The following ELMO1 variants were observed in gnomAD, a reference collection of about 807,000 sequenced individuals.
ELMO1 encodes the protein engulfment and cell motility protein 1.
A neutral mutation model predicts 98.9 loss-of-function variants in ELMO1; 26 were observed. The ratio of observed to expected loss-of-function variants is 0.26; its 90% CI spans 0.19 to 0.36. The LOEUF is 0.36. Ranked by LOEUF, ELMO1 falls within the 10% of genes least tolerant of loss-of-function variation. The probability of loss-of-function intolerance (pLI) is 1.00; values close to 1 mark genes in which losing one functional copy is unlikely to be tolerated. For synonymous variants in ELMO1, 346 were observed against 346.0 expected (o/e 1.00, Z 0.00); for missense variants, 627 against 935.2 (o/e 0.67, Z 4.30).
intron 2 of ELMO1, among the ~76,000 whole-genome samples, chr7:37,328,274 T>C (rs1799921179): frequency 2.0e-5 from 3 of 149,022 alleles, no homozygotes; most frequent in Admixed American, 1.4e-4. Context: ...TCCCAGCTAC[T>C]TGGGAGGCTG....
At chr7:37,033,699 G>A (rs183155274) in intron 15 of ELMO1, among the ~76,000 whole-genome samples, 7 of 152,252 alleles carry the variant, frequency 4.6e-5, no homozygotes, top group Admixed American at 1.3e-4. Context: ...GAAATTGCAA[G>A]GCAAATCTGT....
chr7:37,302,643 C>T (rs1798407429), intron 4 of ELMO1, among the ~76,000 whole-genome samples: 1 of 152,070 alleles, frequency 6.6e-6, no homozygotes, highest in Non-Finnish European at 1.5e-5. Flanking sequence ...CATGTCTTCC[C>T]AGTTGTGACT....
chr7:36,987,905 G>A (rs1791624032), intron 16 of ELMO1, among the ~76,000 whole-genome samples: 1 of 152,064 alleles, frequency 6.6e-6, no homozygotes. Flanking sequence ...TTACAGGCAT[G>A]TGCCATCATG....
At chr7:36,915,366 C>A (rs961478264) in intron 16 of ELMO1, among the ~76,000 whole-genome samples, 3 of 152,158 alleles carry the variant, frequency 2.0e-5, no homozygotes, top group Admixed American at 6.5e-5. Context: ...AATTTCTCAG[C>A]CACATTTTTC....
chr7:37,023,648 C>T (rs1238973593), intron 15 of ELMO1, among the ~76,000 whole-genome samples: 2 of 152,120 alleles, frequency 1.3e-5, no homozygotes, highest in Non-Finnish European at 2.9e-5. Flanking sequence ...TGCTCTGTCA[C>T]CCAGGCTGGA....
chr7:37,160,748 G>A (rs1428213747), intron 13 of ELMO1, among the ~76,000 whole-genome samples: 1 of 152,148 alleles, frequency 6.6e-6, no homozygotes, highest in Non-Finnish European at 1.5e-5. Flanking sequence ...GCTTCTGCAT[G>A]ACCAGATGTC....
intron 16 of ELMO1, among the ~76,000 whole-genome samples, chr7:36,897,338 G>GTGTGTGTGTGTGTGTGTGTGTA (rs1450732062): frequency 6.6e-6 from 1 of 151,354 alleles, no homozygotes; most frequent in Non-Finnish European, 1.5e-5. Context: ...GTGTGTGTGT[G>GTGTGTGTGTGTGTGTGTGTGTA]TGTGTGTGTG....
At chr7:36,905,529 A>G (rs1191409350) in intron 16 of ELMO1, among the ~76,000 whole-genome samples, 2 of 152,386 alleles carry the variant, frequency 1.3e-5, no homozygotes, top group African/African-American at 4.8e-5. Flanking sequence ...AGGAATGGTT[A>G]GCAAATCCTT....
chr7:37,342,731 T>C lies in ELMO1; in HGVS notation c.-41A>G, dbSNP rs1800785122. 3 of 1,564,754 alleles carry C rather than the reference T, an allele frequency of 1.9e-6. No homozygotes were observed. The highest frequency in any genetic ancestry group is 2.7e-5 in the African/African-American group (2 of 72,944). On this transcript the variant is annotated 5_prime_UTR_variant, in exon 2 of 22. Coordinates refer to ENST00000310758, the MANE Select transcript of ELMO1 (RefSeq NM_014800.11). The surrounding 1 kb of genome is among the most constrained non-coding windows in gnomAD (Gnocchi z 4.3). ...TGTTCAAAGCCAGTGGGAATGAGGATCCTACAGCGTAAACGGCCACACGTG... is the reference window on the plus strand; with the variant it reads ...TGTTCAAAGCCAGTGGGAATGAGGACCCTACAGCGTAAACGGCCACACGTG...
At chr7:37,375,385 T>C (rs1378896145) in intron 1 of ELMO1, 3 of 587,794 alleles carry the variant, frequency 5.1e-6, no homozygotes, top group Admixed American at 2.9e-5. Context: ...TATGCAGGTC[T>C]TAGCAGAATT....
chr7:37,079,169 A>C (rs1301919453), intron 15 of ELMO1, among the ~76,000 whole-genome samples: 1 of 152,174 alleles, frequency 6.6e-6, no homozygotes, highest in East Asian at 1.9e-4. Context: ...AATCTTCCCC[A>C]GGAGCATATA....
chr7:37,348,352 A>C (rs934693116), intron 1 of ELMO1, among the ~76,000 whole-genome samples: 3 of 152,182 alleles, frequency 2.0e-5, no homozygotes, highest in Non-Finnish European at 2.9e-5. Flanking sequence ...AGACATTCTA[A>C]TCATCATGCC....
chr7:37,127,760 C>G (rs1328034521), intron 14 of ELMO1, among the ~76,000 whole-genome samples: 1 of 152,066 alleles, frequency 6.6e-6, no homozygotes, highest in Non-Finnish European at 1.5e-5. Context: ...TGAGAGAGCC[C>G]TAGGTTTCCT....
At chr7:37,039,194 A>G (rs910338905) in intron 15 of ELMO1, among the ~76,000 whole-genome samples, 3 of 152,228 alleles carry the variant, frequency 2.0e-5, no homozygotes, top group Non-Finnish European at 2.9e-5. Flanking sequence ...CACAAAATGA[A>G]TGGTCCTTTA....
rs576233314 is a variant in ELMO1 at position 36,922,005 on chromosome 7, C to G, written c.1438-26988G>C. Among the ~76,000 whole-genome samples, 175 of 152,118 alleles carry G rather than the reference C, an allele frequency of 1.2e-3. 1 individual carries two copies. Among genetic ancestry groups the G allele is most frequent in the Non-Finnish European group, 1.9e-3 (129 of 68,014 alleles). On this transcript the variant is annotated intron_variant, in intron 16 of 21. Transcript: ENST00000310758. ...CTCTTGAAATTCTAAATATTTGCTC[C>G]TTGCTAATTTTGTTTTTTTCTAGTC...
At chr7:37,309,817 TC>T (rs1259263120) in intron 4 of ELMO1, among the ~76,000 whole-genome samples, 2 of 152,234 alleles carry the variant, frequency 1.3e-5, no homozygotes, top group African/African-American at 2.4e-5. Flanking sequence ...CTTCTCTCTG[TC>T]CATCTCCTTT....
chr7:37,267,044 CA>C lies in ELMO1; in HGVS notation c.243+4787del, dbSNP rs1796300237. ...AAAAAAAAATATGTATATATACACA[CA>C]CACACACACACACACACACACACAC... On this transcript the variant is annotated intron_variant, in intron 5 of 21. Transcript: ENST00000310758. Among the ~76,000 whole-genome samples, 2 of 44,580 alleles carry C rather than the reference CA, an allele frequency of 4.5e-5. 1 individual carries two copies. Among genetic ancestry groups the C allele is most frequent in the Non-Finnish European group, 9.7e-5 (2 of 20,690 alleles). The allele number at this position is 44,580 out of a possible 152,430, so 29.2% of individuals were successfully genotyped here.
chr7:37,152,078 A>G (rs1290305394), intron 13 of ELMO1, among the ~76,000 whole-genome samples: 2 of 152,244 alleles, frequency 1.3e-5, no homozygotes, highest in African/African-American at 2.4e-5. Context: ...TGTGAATGCC[A>G]CATTGCCCCT....
At chr7:37,448,510 C>A (rs1412013363) in intron 1 of ELMO1, among the ~76,000 whole-genome samples, 165 bp downstream of exon 1, 3 of 152,034 alleles carry the variant, frequency 2.0e-5, no homozygotes, top group African/African-American at 7.2e-5. Context: ...GCGGCCACCC[C>A]CGCCCGAGCC....
Sources: gnomAD v4.1 joint callset for allele counts (sites outside exome capture counted in the v4.1 genomes callset) on GRCh38, gnomAD v4.1.1 for gene constraint, Gnocchi (gnomAD v3.1) non-coding constraint, MANE v1.5 for transcripts, NCBI Gene and HGNC (gene_info 2026-07-23, HGNC 2026-07-21) for gene names.